Variants in KCNH5 observed in about 807,000 individuals in gnomAD.
KCNH5 encodes the protein potassium voltage-gated channel subfamily H member 5.
A neutral mutation model predicts 96.1 loss-of-function variants in KCNH5; 46 were observed. The observed-to-expected ratio is 0.48, with a 90% CI of 0.38 to 0.61. The LOEUF is 0.61. Ranked by LOEUF, KCNH5 falls within the 20% of genes least tolerant of loss-of-function variation. The pLI is 0.00. For missense variants in KCNH5, 907 were observed against 1,225.8 expected, an observed-to-expected ratio of 0.74 and a Z score of 3.88; for synonymous variants, 439 against 449.8, an observed-to-expected ratio of 0.98 and a Z score of 0.30.
intron 2 of KCNH5, among the ~76,000 whole-genome samples, chr14:63,012,653 T>C (rs1055912126): frequency 6.6e-6 from 1 of 151,990 alleles, no homozygotes; most frequent in Non-Finnish European, 1.5e-5. Flanking sequence ...GTGTCAAAGT[T>C]AGATTCCAGG....
chr14:62,811,246 T>C (rs1302904867), intron 8 of KCNH5, among the ~76,000 whole-genome samples: 2 of 152,178 alleles, frequency 1.3e-5, no homozygotes, highest in Non-Finnish European at 1.5e-5. Context: ...TATTATCATG[T>C]CATCTCTGTT....
chr14:62,841,609 A>G (rs992081716), intron 8 of KCNH5, among the ~76,000 whole-genome samples: 2 of 152,264 alleles, frequency 1.3e-5, no homozygotes, highest in African/African-American at 4.8e-5. Context: ...AACAGTGCCC[A>G]CTGAATACCA....
chr14:62,705,154 G>C lies in KCNH5; in HGVS notation c.*2354C>G, dbSNP rs186072249. ...GAACAATAACATTGTAGGTCGATTA[G>C]GTGAAACTCTACGTCAATGTCAGAA... is the stretch of plus-strand genomic sequence containing the variant. On this transcript the variant is annotated 3_prime_UTR_variant, in exon 11 of 11. Coordinates refer to ENST00000322893, the MANE Select transcript of KCNH5 (RefSeq NM_139318.5). 1 of 151,946 alleles carries C rather than the reference G, an allele frequency of 6.6e-6. No homozygotes were observed. The highest frequency in any genetic ancestry group is 1.9e-4 in the East Asian group (1 of 5,188). 9.4% of individuals were successfully genotyped at this position (151,946 alleles called of 1,614,324 possible).
At chr14:62,754,949 G>T (rs1033616223) in intron 10 of KCNH5, among the ~76,000 whole-genome samples, 19 of 90,252 alleles carry the variant, frequency 2.1e-4, no homozygotes, top group Non-Finnish European at 4.8e-4. Flanking sequence ...TAGACTTCAA[G>T]ACAAAAACTA....
chr14:62,872,848 G>A (rs1424324946), intron 7 of KCNH5, among the ~76,000 whole-genome samples: 1 of 152,026 alleles, frequency 6.6e-6, no homozygotes, highest in Non-Finnish European at 1.5e-5. Flanking sequence ...AGTATGGTGA[G>A]ATGGCAGTGG....
intron 7 of KCNH5, among the ~76,000 whole-genome samples, chr14:62,870,449 A>C (rs538147223): frequency 1.7e-4 from 26 of 152,322 alleles, no homozygotes; most frequent in African/African-American, 6.0e-4. Context: ...ATGTGTCCAA[A>C]GTAGTCATGT....
At chr14:62,790,422 C>G (rs1281871704) in intron 9 of KCNH5, among the ~76,000 whole-genome samples, 1 of 151,584 alleles carries the variant, frequency 6.6e-6, no homozygotes, top group African/African-American at 2.4e-5. Flanking sequence ...GGATTGTGTT[C>G]TCTATTTCTT....
At chr14:62,753,830 C>G (rs949185887) in intron 10 of KCNH5, among the ~76,000 whole-genome samples, 2 of 152,136 alleles carry the variant, frequency 1.3e-5, no homozygotes, top group African/African-American at 4.8e-5. Context: ...ATCTGTCCTA[C>G]AAGAAATGCT....
intron 10 of KCNH5, among the ~76,000 whole-genome samples, chr14:62,778,364 T>C (rs987762046): frequency 2.6e-5 from 4 of 152,100 alleles, no homozygotes; most frequent in Non-Finnish European, 5.9e-5. Context: ...GGCATGTAAG[T>C]GGACCCTCGT....
At chr14:62,773,118 T>G (rs931212100) in intron 10 of KCNH5, among the ~76,000 whole-genome samples, 5 of 152,212 alleles carry the variant, frequency 3.3e-5, no homozygotes, top group African/African-American at 1.2e-4. Context: ...ATGCTTTTAT[T>G]CTAGGTTAAA....
chr14:62,969,741 A>C (rs1890367452), intron 6 of KCNH5, among the ~76,000 whole-genome samples: 1 of 150,908 alleles, frequency 6.6e-6, no homozygotes, highest in Non-Finnish European at 1.5e-5. Flanking sequence ...GTATCCCAGA[A>C]CTTAAAATAA....
At chr14:62,741,183 G>A (rs1025312819) in intron 10 of KCNH5, among the ~76,000 whole-genome samples, 18 of 152,104 alleles carry the variant, frequency 1.2e-4, no homozygotes, top group South Asian at 2.1e-4. Flanking sequence ...CGGCTTGCAC[G>A]TATTCCTTAA....
intron 7 of KCNH5, among the ~76,000 whole-genome samples, chr14:62,911,505 G>A (rs937114003): frequency 2.0e-5 from 3 of 151,768 alleles, no homozygotes; most frequent in Admixed American, 2.0e-4. Flanking sequence ...AAGAGTAAAT[G>A]ATCAGGAATA....
At chr14:62,981,980 A>G (rs1197960937) in intron 5 of KCNH5, among the ~76,000 whole-genome samples, 1 of 152,212 alleles carries the variant, frequency 6.6e-6, no homozygotes, top group African/African-American at 2.4e-5. Flanking sequence ...CAGAAAACAA[A>G]GATAGAAAGC....
At chr14:63,036,698 A>C (rs1488964959) in intron 1 of KCNH5, among the ~76,000 whole-genome samples, 1 of 152,114 alleles carries the variant, frequency 6.6e-6, no homozygotes, top group African/African-American at 2.4e-5. Context: ...TGGAGATGCA[A>C]GAAAGAAAGT....
intron 10 of KCNH5, among the ~76,000 whole-genome samples, chr14:62,746,854 C>A (rs1486984130): frequency 6.6e-6 from 1 of 152,206 alleles, no homozygotes; most frequent in East Asian, 1.9e-4. Flanking sequence ...TCTCTTTCTT[C>A]CCCTATCAGT....
At chr14:62,855,219 A>G (rs903301086) in intron 7 of KCNH5, among the ~76,000 whole-genome samples, 2 of 152,096 alleles carry the variant, frequency 1.3e-5, no homozygotes, top group Non-Finnish European at 2.9e-5. Context: ...AATTTACAAT[A>G]TTGATGTGAG....
At chr14:63,007,675 T>C (rs1891152126) in intron 2 of KCNH5, among the ~76,000 whole-genome samples, 1 of 152,160 alleles carries the variant, frequency 6.6e-6, no homozygotes, top group Non-Finnish European at 1.5e-5. Context: ...CATACTATCA[T>C]TAAAAAAGTG....
intron 9 of KCNH5, among the ~76,000 whole-genome samples, chr14:62,801,499 ATTTTTTTT>A (rs35409070): frequency 5.5e-5 from 6 of 108,854 alleles, no homozygotes; most frequent in South Asian, 3.1e-4. Context: ...TCATTTGGCA[ATTTTTTTT>A]TTTTTTTTTT....
Sources: gnomAD v4.1 joint callset for allele counts (sites outside exome capture counted in the v4.1 genomes callset) on GRCh38, gnomAD v4.1.1 for gene constraint, MANE v1.5 for transcripts, NCBI Gene and HGNC (gene_info 2026-07-23, HGNC 2026-07-21) for gene names.